Variants in RUSF1 observed in about 807,000 individuals in gnomAD.
The protein encoded by RUSF1 is RUS1 family protein C16orf58.
Under a neutral mutation model 63.0 loss-of-function variants are expected in RUSF1, and 58 were observed. That is an observed-to-expected ratio of 0.92 (90% CI 0.75 to 1.15). RUSF1 has a LOEUF of 1.15. Among genes scored for constraint, RUSF1 ranks in the 50% most tolerant of loss-of-function variants. The pLI is 0.00. For synonymous variants in RUSF1, 274 were observed against 255.8 expected (o/e 1.07, Z -0.68); for missense variants, 652 against 611.0 (o/e 1.07, Z -0.71).
At chr16:31,500,096 A>C (rs1380942612) in intron 3 of RUSF1, among the ~76,000 whole-genome samples, 1 of 151,886 alleles carries the variant, frequency 6.6e-6, no homozygotes, top group Non-Finnish European at 1.5e-5. Flanking sequence ...TCAGACAGTG[A>C]CTCCCTGCCC....
At chr16:31,507,718 C>T (rs753474763) in intron 2 of RUSF1, 46 bp downstream of exon 2, 1 of 1,526,178 alleles carries the variant, frequency 6.6e-7, no homozygotes, top group Non-Finnish European at 8.9e-7. Flanking sequence ...CCAGCGAAAG[C>T]AGGGCTGAAA....
At chr16:31,500,807 A>T (rs1197885675) in intron 2 of RUSF1, 76 bp from the exon 3 acceptor site, 51 of 1,477,602 alleles carry the variant, frequency 3.5e-5, no homozygotes, top group Non-Finnish European at 4.6e-5. Context: ...CCTGGCACTG[A>T]ACTGGCCAAT....
chr16:31,490,149 G>C lies in RUSF1; in HGVS notation c.*686C>G, dbSNP rs1407616949. ...TCTCCGGCATAGCAAGGAGGAACGG[G>C]AGGACCTGGATGCTGATGAGCAGCA... On this transcript the variant is annotated 3_prime_UTR_variant, in exon 13 of 13. Transcript: ENST00000327237. 6.2e-7 allele frequency: 1 copy of C among 1,614,154 alleles called. No individual in the cohort carries two copies. The highest frequency in any genetic ancestry group is 8.5e-7 in the Non-Finnish European group (1 of 1,180,042).
chr16:31,491,873 A>G (rs1596624332), intron 12 of RUSF1, 136 bp downstream of exon 12: 1 of 886,472 alleles, frequency 1.1e-6, no homozygotes, highest in South Asian at 1.7e-5. Flanking sequence ...CACTAGAATC[A>G]TAGGTGTGAG....
chr16:31,494,850 A>AT (rs939433867), intron 6 of RUSF1, among the ~76,000 whole-genome samples: 2 of 151,950 alleles, frequency 1.3e-5, no homozygotes, highest in East Asian at 1.9e-4. Flanking sequence ...TTATTACTGC[A>AT]TTTTTTGGTA....
intron 5 of RUSF1, among the ~76,000 whole-genome samples, chr16:31,497,772 C>A (rs2082611850): frequency 6.6e-6 from 1 of 152,222 alleles, no homozygotes; most frequent in Non-Finnish European, 1.5e-5. Context: ...AGGAAACAGT[C>A]TGTTCAAAGG....
At chr16:31,495,385 C>A (rs912606996) in intron 6 of RUSF1, among the ~76,000 whole-genome samples, 7 of 152,200 alleles carry the variant, frequency 4.6e-5, no homozygotes, top group African/African-American at 1.4e-4. Context: ...TTCAGGAGCT[C>A]CTCTCTCCCA....
Position 31,490,404 on chromosome 16 carries a change from C to G in RUSF1, c.*431G>C. ...GGTGGGCAGTCCTCCGCCCCTTACC[C>G]AGGAGGAGGCAGCGGCAGCAGCCAG... On this transcript the variant is annotated 3_prime_UTR_variant, in exon 13 of 13. Transcript: ENST00000327237. 6.2e-7 allele frequency: 1 copy of G among 1,613,664 alleles called. No individual in the cohort carries two copies. Among genetic ancestry groups the G allele is most frequent in the Non-Finnish European group, 8.5e-7 (1 of 1,179,898 alleles).
In RUSF1 at chr16:31,508,321, G is replaced by A; in HGVS notation, c.53C>T (p.Ser18Phe). Residue 18 changes from serine (S) to phenylalanine (F), a missense_variant, in exon 1 of 13, where the codon TCC becomes TTC. By Grantham distance (155) the Ser-to-Phe change is radical. Coordinates refer to ENST00000327237, the MANE Select transcript of RUSF1 (RefSeq NM_022744.4). Reference sequence around the variant, plus strand: ...GGCGCGGCAGCCCCGTGCCTCCCCGGAGCCGAACTGCTCGGAACACAGCGG... The same window carrying A: ...GGCGCGGCAGCCCCGTGCCTCCCCGAAGCCGAACTGCTCGGAACACAGCGG... Reference protein sequence around the residue: ...ETPLCSEQFGSGEARGCRAAA... With the variant: ...ETPLCSEQFGFGEARGCRAAA... 3 of 1,577,970 alleles carry A rather than the reference G, an allele frequency of 1.9e-6. No homozygotes were observed. The highest frequency in any genetic ancestry group is 1.8e-5 in the Admixed American group (1 of 55,000).
chr16:31,501,176 G>A (rs898744397), intron 2 of RUSF1, among the ~76,000 whole-genome samples: 4 of 152,106 alleles, frequency 2.6e-5, no homozygotes, highest in Non-Finnish European at 5.9e-5. Context: ...TACCTATTTG[G>A]TAAAACTATT....
intron 2 of RUSF1, among the ~76,000 whole-genome samples, chr16:31,501,765 C>T (rs3934739): frequency 0.24 from 36,474 of 151,970 alleles, 4,550 homozygotes; most frequent in Non-Finnish European, 0.27. Context: ...TTCATGACCA[C>T]AGTGACCAAG....
intron 5 of RUSF1, 74 bp from the exon 6 acceptor site, chr16:31,497,024 G>A: frequency 1.6e-6 from 2 of 1,276,798 alleles, no homozygotes; most frequent in Non-Finnish European, 2.2e-6. Flanking sequence ...ACCAGCTGGA[G>A]AAAACCTGGC....
chr16:31,492,037 C>G lies in RUSF1; in HGVS notation c.1281G>C (p.Leu427Phe). ...TCAAGAACTTTGGGAACAGCATGTC[C>G]AACACTTCGTGTGTCTCCTTGACGA... is the stretch of plus-strand genomic sequence containing the variant. ...WVVVKETHEV[L>F]DMLFPKFLKG... The change falls in exon 12 of 13, where the codon TTG becomes TTC. Residue 427 changes from leucine (L) to phenylalanine (F), a missense_variant. By Grantham distance (22) the Leu-to-Phe change is conservative. Transcript: ENST00000327237. The G allele has an allele frequency of 6.2e-7, 1 of 1,614,188 alleles. No homozygotes were observed. Among genetic ancestry groups the G allele is most frequent in the East Asian group, 2.2e-5 (1 of 44,876 alleles).
chr16:31,506,512 T>C lies in RUSF1; in HGVS notation c.415+1252A>G, dbSNP rs530666589. Among the ~76,000 whole-genome samples the C allele has an allele frequency of 1.7e-4, 26 of 152,346 alleles. 1 individual carries two copies. The South Asian group carries it at 5.4e-3, about 32-fold the overall frequency. On this transcript the variant is annotated intron_variant, in intron 2 of 12. Coordinates refer to ENST00000327237, the MANE Select transcript of RUSF1 (RefSeq NM_022744.4). The stretch of plus-strand genomic sequence containing the variant: ...AATACGGCCAACAAGCCGGGCGCAG[T>C]GGCTCACGCCTATAATCCCAGCACT...
intron 2 of RUSF1, among the ~76,000 whole-genome samples, chr16:31,502,221 G>A (rs934582890): frequency 1.3e-5 from 2 of 152,136 alleles, no homozygotes; most frequent in Non-Finnish European, 2.9e-5. Context: ...AGGACACTAC[G>A]TTATGGGAAT....
At position 31,490,634 on chromosome 16, in the gene RUSF1, GAAGGTCCTGGCTCCCCTTCTCCC is replaced by G. The variant is rs2082558453; in HGVS notation, c.*178_*200del. ...AAAAGGGGAAGGGGCAGTGGGGTGA[GAAGGTCCTGGCTCCCCTTCTCCC>G]GGCCTTCCTCTGCCTGGGGCCCACT... On this transcript the variant is annotated 3_prime_UTR_variant, in exon 13 of 13. Transcript: ENST00000327237. 3 of 1,170,130 alleles carry G rather than the reference GAAGGTCCTGGCTCCCCTTCTCCC, an allele frequency of 2.6e-6. No individual in the cohort carries two copies. 72.5% of individuals were successfully genotyped at this position (1,170,130 alleles called of 1,614,324 possible).
In RUSF1 at chr16:31,500,446, T is replaced by A. The variant is rs1340425258; in HGVS notation, c.461+240A>T. On this transcript the variant is annotated intron_variant, in intron 3 of 12. Transcript: ENST00000327237. ...TATGAAATGTACACATCCAATCCCA[T>A]CCTACAGAGTTGCTGTAAGGATTAG... is the stretch of plus-strand genomic sequence containing the variant. Among the ~76,000 whole-genome samples the A allele has an allele frequency of 2.6e-5, 4 of 152,136 alleles. No individual in the cohort carries two copies. The East Asian group carries it at 7.7e-4, about 29-fold the overall frequency.
At chr16:31,500,958 G>A (rs957306335) in intron 2 of RUSF1, among the ~76,000 whole-genome samples, 23 of 152,182 alleles carry the variant, frequency 1.5e-4, no homozygotes, top group Admixed American at 6.5e-5. Context: ...AATGTTCTTT[G>A]CAGAATTGTT....
rs552837231 is a variant in RUSF1 at position 31,490,085 on chromosome 16, G to A, written c.*750C>T. On this transcript the variant is annotated 3_prime_UTR_variant, in exon 13 of 13. Coordinates refer to ENST00000327237, the MANE Select transcript of RUSF1 (RefSeq NM_022744.4). ...GGGGGACAGAACTCCCACCTCGTTC[G>A]TGCTCCCACCCTCCCCAGCTCCACC... is the stretch of plus-strand genomic sequence containing the variant. 26 of 1,612,914 alleles carry A rather than the reference G, an allele frequency of 1.6e-5. No homozygotes were observed. The highest frequency in any genetic ancestry group is 1.8e-4 in the Middle Eastern group (1 of 5,620).
Sources: allele counts gnomAD v4.1 joint callset (sites outside exome capture counted in the v4.1 genomes callset), GRCh38; gene constraint gnomAD v4.1.1; transcripts MANE v1.5; gene names NCBI Gene and HGNC (gene_info 2026-07-23, HGNC 2026-07-21).